LRRK1: variants seen among roughly 807,000 people sequenced by gnomAD.
The protein encoded by LRRK1 is leucine rich repeat kinase 1, also known as leucine-rich repeat serine/threonine-protein kinase 1.
LRRK1 carries 113 observed loss-of-function variants against 209.1 expected under a neutral mutation model. That is an observed-to-expected ratio of 0.54 (90% CI 0.46 to 0.63). The LOEUF (loss-of-function observed/expected upper bound fraction) is 0.63, where lower values mean the gene tolerates loss of function less well. Ranked by LOEUF, LRRK1 falls within the 30% of genes least tolerant of loss-of-function variation. The pLI is 0.00. For missense variants in LRRK1, 2,284 were observed against 2,632.2 expected, an observed-to-expected ratio of 0.87 and a Z score of 2.89; for synonymous variants, 1,144 against 1,099.7, an observed-to-expected ratio of 1.04 and a Z score of -0.80.
At position 101,008,848 on chromosome 15, in the gene LRRK1, G is replaced by T. The variant is rs1024241219; in HGVS notation, c.774G>T (p.Val258=). 1 of 1,613,714 alleles carries T rather than the reference G, an allele frequency of 6.2e-7. No individual in the cohort carries two copies. Among genetic ancestry groups the T allele is most frequent in the African/African-American group, 1.3e-5 (1 of 75,046 alleles). Residue 258 remains valine, a synonymous_variant, in exon 7 of 34, where the codon GTG becomes GTT. Coordinates refer to ENST00000388948, the MANE Select transcript of LRRK1 (RefSeq NM_024652.6). ...CTTTCCACCACCAGGCTCTCCGTGT[G>T]AAATGGTCCCATCTCAGACTGCCCT... ...SSYPGKTALR[V]KWSHLRLPWV...
Position 101,027,116 on chromosome 15 carries a change from A to C in LRRK1, c.2406-145A>C. 1.1e-6 allele frequency: 1 copy of C among 943,710 alleles called. No homozygotes were observed. Among genetic ancestry groups the C allele is most frequent in the Non-Finnish European group, 1.6e-6 (1 of 636,776 alleles). The allele number at this position is 943,710 out of a possible 1,614,324, so 58.5% of individuals were successfully genotyped here. On this transcript the variant is annotated intron_variant, in intron 17 of 33. Coordinates refer to ENST00000388948, the MANE Select transcript of LRRK1 (RefSeq NM_024652.6). This position sits in a 1 kb window ranked among gnomAD's most constrained non-coding sequence, Gnocchi z 5.1. The stretch of plus-strand genomic sequence containing the variant: ...CCAGCACAGTGATTTGCACAAAGCA[A>C]GGCCTCAATAAACTTCTTGTGTTGT...
intron 20 of LRRK1, among the ~76,000 whole-genome samples, chr15:101,034,593 A>G (rs1292286083): frequency 2.6e-5 from 4 of 151,936 alleles, no homozygotes; most frequent in Non-Finnish European, 5.9e-5. Flanking sequence ...TGGGTTCTCT[A>G]TTTTGTTCCA....
intron 6 of LRRK1, among the ~76,000 whole-genome samples, chr15:100,990,464 A>C (rs2141671847): frequency 6.6e-6 from 1 of 152,114 alleles, no homozygotes; most frequent in South Asian, 2.1e-4. Context: ...TCACATTTTC[A>C]CCAGCAATAG....
chr15:100,980,916 T>G (rs1021343151), intron 3 of LRRK1, among the ~76,000 whole-genome samples: 2 of 152,184 alleles, frequency 1.3e-5, no homozygotes, highest in Non-Finnish European at 2.9e-5. Flanking sequence ...AACTGAACAT[T>G]TAAAATATTT....
intron 2 of LRRK1, among the ~76,000 whole-genome samples, chr15:100,940,801 G>C (rs57669126): frequency 0.14 from 21,554 of 152,206 alleles, 1,787 homozygotes; most frequent in South Asian, 0.25. Flanking sequence ...AGGATGAACA[G>C]TTGACAATAC....
intron 13 of LRRK1, among the ~76,000 whole-genome samples, 186 bp downstream of exon 13, chr15:101,021,368 A>G (rs930845): frequency 0.98 from 149,938 of 152,258 alleles, 73,872 homozygotes; most frequent in East Asian, 1. Flanking sequence ...ACGGAGTAGC[A>G]ATGCAATGAT....
chr15:100,961,535 C>T (rs575302974), intron 2 of LRRK1, among the ~76,000 whole-genome samples: 35 of 152,124 alleles, frequency 2.3e-4, no homozygotes, highest in African/African-American at 8.2e-4. Flanking sequence ...TGCCTGTAAT[C>T]CCAGCTACTC....
At chr15:101,035,291 A>C (rs57447966) in intron 20 of LRRK1, among the ~76,000 whole-genome samples, 16,013 of 151,868 alleles carry the variant, frequency 0.11, 1,323 homozygotes, top group East Asian at 0.44. Flanking sequence ...ATTAGAATAT[A>C]TCTCTCTCTC....
chr15:100,953,603 A>G (rs972567266), intron 2 of LRRK1, among the ~76,000 whole-genome samples: 1 of 152,056 alleles, frequency 6.6e-6, no homozygotes, highest in Admixed American at 6.6e-5. Context: ...GGTTGTTTCC[A>G]TATCTTGGCT....
intron 6 of LRRK1, among the ~76,000 whole-genome samples, chr15:100,997,707 A>C (rs1444174605): frequency 2.0e-5 from 3 of 152,214 alleles, no homozygotes; most frequent in Non-Finnish European, 4.4e-5. Flanking sequence ...TATGTGTGGA[A>C]AGTAATTGGC....
rs1158336693 is a variant in LRRK1 at position 101,062,707 on chromosome 15, G to A, written c.4914+17G>A. 2 of 1,570,992 alleles carry A rather than the reference G, an allele frequency of 1.3e-6. No individual in the cohort carries two copies. The highest frequency in any genetic ancestry group is 1.8e-6 in the Non-Finnish European group (2 of 1,140,802). The stretch of plus-strand genomic sequence containing the variant: ...ATTAAAAAGGTGAGGTCGGGGCAAA[G>A]GCAGGTATGCAGGTCTCTGATGCAC... On this transcript the variant is annotated intron_variant, in intron 31 of 33. Coordinates refer to ENST00000388948, the MANE Select transcript of LRRK1 (RefSeq NM_024652.6).
chr15:101,025,930 G>C, intron 16 of LRRK1, 35 bp from the exon 17 acceptor site: 1 of 1,611,482 alleles, frequency 6.2e-7, no homozygotes, highest in Middle Eastern at 1.7e-4. Context: ...TCCATGAACA[G>C]AGACAGTACT....
chr15:100,998,306 A>G (rs147283119), intron 6 of LRRK1, among the ~76,000 whole-genome samples: 6 of 152,070 alleles, frequency 3.9e-5, no homozygotes, highest in Non-Finnish European at 7.4e-5. Flanking sequence ...CTCAGCACTC[A>G]GCACTCAGCA....
chr15:101,012,047 C>T lies in LRRK1; in HGVS notation c.1321C>T (p.Pro441Ser). Residue 441 changes from proline (P) to serine (S), a missense_variant, in exon 10 of 34, where the codon CCA (proline) becomes TCA (serine). Coordinates refer to ENST00000388948, the MANE Select transcript of LRRK1 (RefSeq NM_024652.6). ...KASRNALECL[P>S]DKMAVFWKNH... is the part of the protein sequence containing the mutation. ...TTCCAGAAATGCCCTGGAATGTCTG[C>T]CAGACAAAATGGCTGTCTTTTGGAA... The T allele has an allele frequency of 6.2e-7, 1 of 1,609,996 alleles. No individual in the cohort carries two copies. Among genetic ancestry groups the T allele is most frequent in the South Asian group, 1.1e-5 (1 of 90,064 alleles).
intron 19 of LRRK1, 139 bp from the exon 20 acceptor site, chr15:101,028,816 GA>G: frequency 1.1e-6 from 1 of 947,420 alleles, no homozygotes; most frequent in Non-Finnish European, 1.6e-6. Flanking sequence ...CAGCCCACCT[GA>G]AGGGTCCAGC....
chr15:100,938,562 A>G (rs1414635557), intron 2 of LRRK1, among the ~76,000 whole-genome samples: 7 of 151,830 alleles, frequency 4.6e-5, no homozygotes, highest in Admixed American at 3.9e-4. Flanking sequence ...ACCTTCTGCC[A>G]TCCTCCCTCC....
At chr15:100,977,028 C>T (rs754987158) in intron 3 of LRRK1, among the ~76,000 whole-genome samples, 16 of 152,060 alleles carry the variant, frequency 1.1e-4, no homozygotes, top group South Asian at 2.1e-4. Context: ...GTAAAACAAA[C>T]GTAGGATTCT....
At chr15:100,948,405 T>C (rs2042583406) in intron 2 of LRRK1, among the ~76,000 whole-genome samples, 2 of 152,216 alleles carry the variant, frequency 1.3e-5, no homozygotes, top group Non-Finnish European at 2.9e-5. Flanking sequence ...GAAAGGGATG[T>C]AGTTTTGCTA....
Position 101,029,147 on chromosome 15 carries a change from G to A in LRRK1, c.2878G>A (p.Gly960Arg). ...AGAAGACCTCAGGATGCTGCTGGTGGGGACTGGCTTCACGCAGCAGACGGA... is the reference window on the plus strand; with the variant it reads ...AGAAGACCTCAGGATGCTGCTGGTGAGGACTGGCTTCACGCAGCAGACGGA... Reference protein sequence around the residue: ...RAEDLRMLLVGTGFTQQTEEQ... With the variant: ...RAEDLRMLLVRTGFTQQTEEQ... Residue 960 changes from glycine to arginine, a missense_variant, in exon 20 of 34, where the codon GGG (glycine) becomes AGG (arginine). By Grantham distance (125) the Gly-to-Arg change is moderately radical (BLOSUM62 -2). This residue lies in a region of LRRK1 where 780 missense variants were observed against 985.2 expected (regional missense o/e 0.79). Coordinates refer to ENST00000388948, the MANE Select transcript of LRRK1 (RefSeq NM_024652.6). The A allele has an allele frequency of 6.2e-7, 1 of 1,614,198 alleles. No homozygotes were observed. The highest frequency in any genetic ancestry group is 8.5e-7 in the Non-Finnish European group (1 of 1,180,040).
Sources: gnomAD v4.1 joint callset for allele counts (sites outside exome capture counted in the v4.1 genomes callset) on GRCh38, gnomAD v4.1.1 for gene constraint, gnomAD v4.1.1 regional missense constraint, Gnocchi (gnomAD v3.1) non-coding constraint, MANE v1.5 for transcripts, NCBI Gene and HGNC (gene_info 2026-07-23, HGNC 2026-07-21) for gene names.